The following PPP1R37 variants were observed in gnomAD, a reference collection of about 807,000 sequenced individuals.
PPP1R37 encodes leucine rich repeat containing 68.
A neutral mutation model predicts 61.0 loss-of-function variants in PPP1R37; 21 were observed. That is an observed-to-expected ratio of 0.34 (90% CI 0.24 to 0.50). PPP1R37 has a LOEUF of 0.50. Ranked by LOEUF, PPP1R37 falls within the 20% of genes least tolerant of loss-of-function variation. PPP1R37 has a pLI of 0.98. For synonymous variants in PPP1R37, 443 were observed against 433.5 expected (o/e 1.02, Z -0.27); for missense variants, 910 against 952.7 (o/e 0.96, Z 0.59).
At chr19:45,145,055 G>A in intron 9 of PPP1R37, 39 bp from the exon 10 acceptor site, 1 of 1,523,888 alleles carries the variant, frequency 6.6e-7, no homozygotes, top group Non-Finnish European at 8.8e-7. Context: ...GGCCAGCCGG[G>A]TGTGGGGCCC....
intron 1 of PPP1R37, among the ~76,000 whole-genome samples, chr19:45,120,014 CTTTTTTTT>C (rs11312138): frequency 1.6e-4 from 13 of 83,600 alleles, no homozygotes; most frequent in Non-Finnish European, 2.6e-4. Flanking sequence ...TTTTCCCCTT[CTTTTTTTT>C]TTTTTTTTTT....
intron 8 of PPP1R37, 88 bp downstream of exon 8, chr19:45,143,721 G>C: frequency 5.4e-6 from 4 of 735,464 alleles, no homozygotes; most frequent in South Asian, 5.0e-5. Flanking sequence ...TCTAGCTGAC[G>C]GCTCCTGTCC....
intron 1 of PPP1R37, among the ~76,000 whole-genome samples, chr19:45,095,828 G>T (rs1476067778): frequency 1.3e-5 from 2 of 151,966 alleles, no homozygotes; most frequent in South Asian, 2.1e-4. Flanking sequence ...AGGCCCCAGG[G>T]ATAGGTGGTT....
intron 1 of PPP1R37, among the ~76,000 whole-genome samples, chr19:45,127,339 T>A (rs1236441299): frequency 2.9e-5 from 2 of 68,468 alleles, no homozygotes; most frequent in African/African-American, 6.1e-5. Flanking sequence ...GCAAGAAGAG[T>A]AAAACTCCAT....
At chr19:45,117,842 C>T (rs533090850) in intron 1 of PPP1R37, among the ~76,000 whole-genome samples, 1 of 152,328 alleles carries the variant, frequency 6.6e-6, no homozygotes, top group South Asian at 2.1e-4. Context: ...CTCCGTAAGC[C>T]AGTGCTCGTC....
At position 45,112,947 on chromosome 19, in the gene PPP1R37, A is replaced by G. The variant is rs189840801; in HGVS notation, c.202+19420A>G. 2.2e-3 allele frequency among the ~76,000 whole-genome samples: 328 copies of G among 152,316 alleles called. 2 individuals are homozygous for G. Among genetic ancestry groups the G allele is most frequent in the African/African-American group, 7.5e-3 (312 of 41,564 alleles). ...TAGGACCTGGACCCCAAGGCCATGTAAGCCCAAAGCCTCATACTTTCCCTA... is the reference window on the plus strand; with the variant it reads ...TAGGACCTGGACCCCAAGGCCATGTGAGCCCAAAGCCTCATACTTTCCCTA... On this transcript the variant is annotated intron_variant, in intron 1 of 12. Coordinates refer to ENST00000221462, the MANE Select transcript of PPP1R37 (RefSeq NM_019121.2).
chr19:45,117,843 A>G (rs370386569), intron 1 of PPP1R37, among the ~76,000 whole-genome samples: 38 of 152,346 alleles, frequency 2.5e-4, no homozygotes, highest in African/African-American at 8.9e-4. Flanking sequence ...TCCGTAAGCC[A>G]GTGCTCGTCC....
At position 45,140,793 on chromosome 19, in the gene PPP1R37, C is replaced by T. The variant is rs927341673; in HGVS notation, c.447+187C>T. On this transcript the variant is annotated intron_variant, in intron 4 of 12. Transcript: ENST00000221462. ...ATGACCAGAGTGGATGTGGAGGGCG[C>T]GTTGGGGCACCTATGGCCCACCCTC... 3.1e-5 allele frequency: 18 copies of T among 589,678 alleles called. 1 individual carries two copies. The highest frequency in any genetic ancestry group is 4.4e-4 in the Middle Eastern group (1 of 2,250). The allele number at this position is 589,678 out of a possible 1,614,324, so 36.5% of individuals were successfully genotyped here.
rs909570676 is a variant in PPP1R37, at chr19:45,121,035, T to C, written c.203-17479T>C. Among the ~76,000 whole-genome samples the C allele has an allele frequency of 3.9e-5, 6 of 152,204 alleles. No homozygotes were observed. Among genetic ancestry groups the C allele is most frequent in the African/African-American group, 1.4e-4 (6 of 41,432 alleles). The stretch of plus-strand genomic sequence containing the variant: ...GAAAGTTGGGGAGATAATTTCTATT[T>C]CTCAGGGCCATTAGGAAGTGGAAAC... On this transcript the variant is annotated intron_variant, in intron 1 of 12. Transcript: ENST00000221462. This position sits in a 1 kb window ranked among gnomAD's most constrained non-coding sequence, Gnocchi z 4.2.
intron 1 of PPP1R37, among the ~76,000 whole-genome samples, chr19:45,133,479 G>A (rs899273868): frequency 6.6e-6 from 1 of 152,200 alleles, no homozygotes; most frequent in African/African-American, 2.4e-5. Context: ...GAGTGTGTGA[G>A]AGAGACAGCA....
intron 1 of PPP1R37, among the ~76,000 whole-genome samples, chr19:45,107,042 TC>T (rs1417231054): frequency 2.6e-5 from 4 of 151,786 alleles, no homozygotes; most frequent in African/African-American, 7.3e-5. Flanking sequence ...GGTCTCAATC[TC>T]CTGAACTCGT....
At chr19:45,127,990 AAAAG>A (rs1568446796) in intron 1 of PPP1R37, among the ~76,000 whole-genome samples, 1 of 151,934 alleles carries the variant, frequency 6.6e-6, no homozygotes, top group Non-Finnish European at 1.5e-5. Flanking sequence ...AAAAAAAAAA[AAAAG>A]ATAAATGTTT....
intron 2 of PPP1R37, 21 bp downstream of exon 2, chr19:45,138,632 G>A (rs1290281878): frequency 3.6e-6 from 5 of 1,380,838 alleles, no homozygotes; most frequent in Admixed American, 2.0e-5. Context: ...GACAGGGTGG[G>A]TGCGTCCGGT....
At chr19:45,113,235 A>G (rs1275716329) in intron 1 of PPP1R37, among the ~76,000 whole-genome samples, 1 of 152,228 alleles carries the variant, frequency 6.6e-6, no homozygotes, top group Non-Finnish European at 1.5e-5. Context: ...TTAGAAAAAA[A>G]GTAGAAAAGG....
chr19:45,093,508 C>G lies in PPP1R37; in HGVS notation c.183C>G (p.Pro61=), dbSNP rs1457869409. 1.3e-6 allele frequency: 2 copies of G among 1,535,124 alleles called. No homozygotes were observed. Among genetic ancestry groups the G allele is most frequent in the Non-Finnish European group, 1.7e-6 (2 of 1,146,582 alleles). The change falls in exon 1 of 13, where the codon CCC becomes CCG. Residue 61 remains proline, a synonymous_variant. Coordinates refer to ENST00000221462, the MANE Select transcript of PPP1R37 (RefSeq NM_019121.2). ...DEDIVSGAVE[P]KDPWRHAQNV... ...ATATCGTGTCTGGAGCAGTGGAGCCCAAAGACCCCTGGAGACATGGTAGCT... is the reference window on the plus strand; with the variant it reads ...ATATCGTGTCTGGAGCAGTGGAGCCGAAAGACCCCTGGAGACATGGTAGCT...
chr19:45,113,635 G>A (rs1001767334), intron 1 of PPP1R37, among the ~76,000 whole-genome samples: 1 of 152,236 alleles, frequency 6.6e-6, no homozygotes, highest in Non-Finnish European at 1.5e-5. Context: ...GGGAGACTGA[G>A]GAACAGAGTT....
rs118097639 is a variant in PPP1R37 at position 45,096,687 on chromosome 19, G to A, written c.202+3160G>A. ...GAGGGGTGCCGGTTGGTCTGTCCTGGGTAAGGGGTAGAGTGGGTAACACTC... is the reference window on the plus strand; with the variant it reads ...GAGGGGTGCCGGTTGGTCTGTCCTGAGTAAGGGGTAGAGTGGGTAACACTC... On this transcript the variant is annotated intron_variant, in intron 1 of 12. Transcript: ENST00000221462. Among the ~76,000 whole-genome samples, 282 of 152,192 alleles carry A rather than the reference G, an allele frequency of 1.9e-3. 8 individuals carry two copies. The East Asian group carries it at 0.048, about 26-fold the overall frequency.
chr19:45,140,541 G>A lies in PPP1R37; in HGVS notation c.382G>A (p.Glu128Lys). ...TGACTACAAGACCTGTGAGGCCCTG[G>A]AAGAGGTCTTCAAGAGGCTGCAGTT... ...KLDYKTCEAL[E>K]EVFKRLQFKV... Residue 128 changes from glutamate to lysine, a missense_variant, in exon 4 of 13, where the codon GAA becomes AAA. By Grantham distance (56) the Glu-to-Lys change is moderately conservative. Coordinates refer to ENST00000221462, the MANE Select transcript of PPP1R37 (RefSeq NM_019121.2). The A allele has an allele frequency of 6.5e-7, 1 of 1,536,106 alleles. No homozygotes were observed. The highest frequency in any genetic ancestry group is 8.7e-7 in the Non-Finnish European group (1 of 1,146,890).
At chr19:45,109,922 C>T (rs1035118676) in intron 1 of PPP1R37, among the ~76,000 whole-genome samples, 4 of 152,162 alleles carry the variant, frequency 2.6e-5, no homozygotes, top group African/African-American at 9.7e-5. Context: ...CGACTCTTCC[C>T]TCTGTCTGGA....
Sources: allele counts gnomAD v4.1 joint callset (sites outside exome capture counted in the v4.1 genomes callset), GRCh38; gene constraint gnomAD v4.1.1; non-coding constraint Gnocchi (gnomAD v3.1); transcripts MANE v1.5; gene names NCBI Gene and HGNC (gene_info 2026-07-23, HGNC 2026-07-21).